Variants in NELL2 observed in about 807,000 individuals in gnomAD.
NELL2 encodes protein kinase C-binding protein NELL2.
A neutral mutation model predicts 109.6 loss-of-function variants in NELL2; 41 were observed. The ratio of observed to expected loss-of-function variants is 0.37; its 90% confidence interval spans 0.29 to 0.49. The LOEUF (loss-of-function observed/expected upper bound fraction) is 0.49. Ranked by LOEUF, NELL2 falls within the 20% of genes least tolerant of loss-of-function variation. The probability of loss-of-function intolerance (pLI) is 0.98; values close to 1 mark genes in which losing one functional copy is unlikely to be tolerated. For missense variants in NELL2, 900 were observed against 1,008.3 expected, an observed-to-expected ratio of 0.89 and a Z score of 1.45; for synonymous variants, 355 against 344.7, an observed-to-expected ratio of 1.03 and a Z score of -0.33.
chr12:44,604,502 C>T (rs1369752969), intron 15 of NELL2, among the ~76,000 whole-genome samples: 1 of 152,124 alleles, frequency 6.6e-6, no homozygotes, highest in Non-Finnish European at 1.5e-5. Context: ...TTTTCTTCAT[C>T]ATTTAATTGA....
intron 2 of NELL2, among the ~76,000 whole-genome samples, chr12:44,825,326 C>T (rs558768719): frequency 2.0e-5 from 3 of 151,422 alleles, no homozygotes; most frequent in Non-Finnish European, 4.4e-5. Flanking sequence ...TCTTTCACCT[C>T]CTTGATTTAA....
In NELL2 at chr12:44,890,328, C is replaced by T. The variant is rs559105663; in HGVS notation, c.39-14428G>A. ...TTCACAGCGCTAAGTACAGGACTTGCCGGGAAGACTGGCCATCATTTAGGA... is the reference window on the plus strand; with the variant it reads ...TTCACAGCGCTAAGTACAGGACTTGTCGGGAAGACTGGCCATCATTTAGGA... On this transcript the variant is annotated intron_variant, in intron 1 of 20. Transcript: ENST00000333837. Among the ~76,000 whole-genome samples, 141 of 152,240 alleles carry T rather than the reference C, an allele frequency of 9.3e-4. 2 individuals carry two copies. Among genetic ancestry groups the T allele is most frequent in the Non-Finnish European group, 8.8e-5 (6 of 68,024 alleles).
At chr12:44,820,224 T>C (rs1039117692) in intron 2 of NELL2, among the ~76,000 whole-genome samples, 1 of 152,162 alleles carries the variant, frequency 6.6e-6, no homozygotes, top group Admixed American at 6.5e-5. Flanking sequence ...GAATTCATTA[T>C]GTCCAAGTCC....
chr12:44,676,559 A>G (rs1346555088), intron 12 of NELL2, among the ~76,000 whole-genome samples: 1 of 152,138 alleles, frequency 6.6e-6, no homozygotes, highest in African/African-American at 2.4e-5. Context: ...TTTTCTTGAC[A>G]TCTCAAAATA....
chr12:44,590,176 A>G (rs544923210), intron 15 of NELL2, among the ~76,000 whole-genome samples: 3 of 152,178 alleles, frequency 2.0e-5, no homozygotes, highest in African/African-American at 7.2e-5. Context: ...GTTTAATTTT[A>G]TATCATATTA....
At chr12:44,721,866 A>G (rs1938792543) in intron 9 of NELL2, among the ~76,000 whole-genome samples, 1 of 152,130 alleles carries the variant, frequency 6.6e-6, no homozygotes, top group Non-Finnish European at 1.5e-5. Flanking sequence ...CTCTATTAGG[A>G]GGAAATTTTT....
At chr12:44,791,098 T>TATATATATAC (rs1942386448) in intron 3 of NELL2, among the ~76,000 whole-genome samples, 2 of 16,336 alleles carry the variant, frequency 1.2e-4, no homozygotes, top group East Asian at 1.1e-3. Flanking sequence ...TATATATATG[T>TATATATATAC]ATATATATAT....
At chr12:44,640,869 C>T (rs1216009549) in intron 13 of NELL2, among the ~76,000 whole-genome samples, 1 of 152,108 alleles carries the variant, frequency 6.6e-6, no homozygotes, top group East Asian at 1.9e-4. Flanking sequence ...TGGGGAGTGA[C>T]AACATGTAAC....
At chr12:44,894,108 T>C (rs1945567033) in intron 1 of NELL2, among the ~76,000 whole-genome samples, 1 of 152,332 alleles carries the variant, frequency 6.6e-6, no homozygotes, top group Non-Finnish European at 1.5e-5. Flanking sequence ...AAATGGAGAA[T>C]TGTTAATTAT....
intron 2 of NELL2, among the ~76,000 whole-genome samples, chr12:44,824,393 A>T (rs954161263): frequency 2.0e-5 from 3 of 152,166 alleles, no homozygotes; most frequent in African/African-American, 7.2e-5. Flanking sequence ...TCTTACAGTT[A>T]AGTCTTTAAT....
intron 2 of NELL2, among the ~76,000 whole-genome samples, chr12:44,848,729 C>G (rs1944447295): frequency 6.6e-6 from 1 of 152,126 alleles, no homozygotes; most frequent in Admixed American, 6.6e-5. Flanking sequence ...AATCAATAGA[C>G]TGATCACTAC....
intron 1 of NELL2, among the ~76,000 whole-genome samples, chr12:44,882,493 T>A (rs1229938191): frequency 6.6e-6 from 1 of 151,244 alleles, no homozygotes; most frequent in South Asian, 2.1e-4. Context: ...TACACACACA[T>A]ATACACACAC....
chr12:44,737,760 C>G (rs1453211094), intron 9 of NELL2, among the ~76,000 whole-genome samples: 3 of 152,152 alleles, frequency 2.0e-5, no homozygotes, highest in East Asian at 1.9e-4. Flanking sequence ...AATTATTAAA[C>G]TAAGTCTTCC....
chr12:44,587,284 A>AAAAAAAAAATATATATATATATATAT, intron 15 of NELL2, among the ~76,000 whole-genome samples: 9 of 72,208 alleles, frequency 1.2e-4, no homozygotes, highest in East Asian at 5.7e-4. Context: ...AAAAAAAAAA[A>AAAAAAAAAATATATATATATATATAT]ATATATATAT....
chr12:44,774,801 G>T lies in NELL2; in HGVS notation c.940C>A (p.Pro314Thr), dbSNP rs1382840968. The change falls in exon 9 of 20, where the codon CCA (proline) becomes ACA (threonine). Residue 314 changes from proline to threonine, a missense_variant. This residue lies in a region of NELL2 where 292 missense variants were observed against 265.3 expected (regional missense o/e 1.10). Transcript: ENST00000429094. ...ETLICPNPDC[P>T]LKSALAYVDG... The stretch of plus-strand genomic sequence containing the variant: ...ACATACGCAAGAGCCGACTTAAGTG[G>T]GCAGTCAGGATTTGGGCAGATTAGA... The T allele has an allele frequency of 6.2e-7, 1 of 1,614,110 alleles. No individual in the cohort carries two copies. The highest frequency in any genetic ancestry group is 8.5e-7 in the Non-Finnish European group (1 of 1,179,992).
At chr12:44,798,363 G>C (rs1398993924) in intron 3 of NELL2, among the ~76,000 whole-genome samples, 1 of 151,656 alleles carries the variant, frequency 6.6e-6, no homozygotes, top group African/African-American at 2.4e-5. Flanking sequence ...AATTTAACAG[G>C]CTCACTGGAT....
At chr12:44,720,354 A>G (rs1938701143) in intron 9 of NELL2, among the ~76,000 whole-genome samples, 1 of 152,190 alleles carries the variant, frequency 6.6e-6, no homozygotes, top group Admixed American at 6.5e-5. Context: ...TCTAAAAATA[A>G]GTGAACTGAA....
At chr12:44,629,020 T>C (rs1161519878) in intron 13 of NELL2, among the ~76,000 whole-genome samples, 1 of 152,212 alleles carries the variant, frequency 6.6e-6, no homozygotes, top group African/African-American at 2.4e-5. Flanking sequence ...TTTATTTGAA[T>C]GCAATTACAT....
rs149106797 is a variant in NELL2 at position 44,899,978 on chromosome 12, C to G, written c.38+13821G>C. Among the ~76,000 whole-genome samples, 1,119 of 152,174 alleles carry G rather than the reference C, an allele frequency of 7.4e-3. 8 individuals carry two copies. Among genetic ancestry groups the G allele is most frequent in the Non-Finnish European group, 9.8e-3 (667 of 67,996 alleles). On this transcript the variant is annotated intron_variant, in intron 1 of 20. Transcript: ENST00000333837. ...GTTGCAATTTTAGTCTCTGATAAAACAGACTTTAAACCAACAGAGATTAAA... is the reference window on the plus strand; with the variant it reads ...GTTGCAATTTTAGTCTCTGATAAAAGAGACTTTAAACCAACAGAGATTAAA...
Sources: gnomAD v4.1 joint callset for allele counts (sites outside exome capture counted in the v4.1 genomes callset) on GRCh38, gnomAD v4.1.1 for gene constraint, gnomAD v4.1.1 regional missense constraint, MANE v1.5 for transcripts, NCBI Gene and HGNC (gene_info 2026-07-23, HGNC 2026-07-21) for gene names.